Variants in TCF3 observed in about 807,000 individuals in gnomAD.
TCF3 encodes transcription factor E2-alpha.
In TCF3, 54 loss-of-function variants were observed where a neutral mutation model predicts 72.3. The observed-to-expected ratio is 0.75, with a 90% CI of 0.60 to 0.94. TCF3 has a LOEUF of 0.94. TCF3 is among the 40% of genes least tolerant of loss of function. The pLI, the probability that TCF3 is intolerant of heterozygous loss-of-function variation, is 0.00. For missense variants in TCF3, 1,078 were observed against 934.4 expected, an observed-to-expected ratio of 1.15 and a Z score of -2.00; for synonymous variants, 525 against 412.6, an observed-to-expected ratio of 1.27 and a Z score of -3.30.
At chr19:1,634,066 C>T (rs941983121) in intron 3 of TCF3, among the ~76,000 whole-genome samples, 25 of 152,338 alleles carry the variant, frequency 1.6e-4, no homozygotes, top group African/African-American at 6.0e-4. Context: ...GCCCAGGGAT[C>T]GCCCCCGAAG....
At chr19:1,627,149 G>A (rs1285097614) in intron 6 of TCF3, among the ~76,000 whole-genome samples, 1 of 152,190 alleles carries the variant, frequency 6.6e-6, no homozygotes, top group Non-Finnish European at 1.5e-5. Flanking sequence ...TGGCAGCCCT[G>A]CAGGCCTTGG....
intron 3 of TCF3, among the ~76,000 whole-genome samples, chr19:1,644,268 G>A (rs904347572): frequency 3.9e-5 from 6 of 152,202 alleles, no homozygotes; most frequent in Admixed American, 2.6e-4. Flanking sequence ...TGGGGCCAGC[G>A]CCACAGCCTG....
chr19:1,626,728 G>A (rs899307250), intron 6 of TCF3, among the ~76,000 whole-genome samples: 1 of 152,190 alleles, frequency 6.6e-6, no homozygotes, highest in Non-Finnish European at 1.5e-5. Flanking sequence ...AGGGAAACGC[G>A]CATCTGCCCC....
chr19:1,627,211 G>GC, intron 6 of TCF3, 148 bp downstream of exon 6: 27 of 164,646 alleles, frequency 1.6e-4, no homozygotes, highest in South Asian at 5.8e-4. Flanking sequence ...CACCCACCCA[G>GC]CCCACCCTGG....
chr19:1,619,635 G>T (rs965427291), intron 14 of TCF3, 145 bp downstream of exon 14: 2 of 1,278,590 alleles, frequency 1.6e-6, no homozygotes, highest in South Asian at 1.4e-5. Flanking sequence ...CACACAAAAT[G>T]TGTGTGCCTT....
chr19:1,619,810 C>A lies in TCF3; in HGVS notation c.1137G>T (p.Ser379=). ...CGTGGAGACCCCCGTCGTAGCTGGG[C>A]GATAAGGCACCGGGGGCTCCTGCTC... ...WPRAGAPGAL[S]PSYDGGLHGL... Residue 379 remains serine, a synonymous_variant, in exon 14 of 19, where the codon TCG becomes TCT. Transcript: ENST00000262965. The A allele has an allele frequency of 6.4e-7, 1 of 1,570,950 alleles. No homozygotes were observed. Among genetic ancestry groups the A allele is most frequent in the South Asian group, 1.2e-5 (1 of 85,330 alleles).
intron 5 of TCF3, 36 bp from the exon 6 acceptor site, chr19:1,627,462 C>G: frequency 6.2e-7 from 1 of 1,603,590 alleles, no homozygotes. Context: ...GGGAGGCGAC[C>G]CCAAGGAACA....
chr19:1,619,608 T>A, intron 14 of TCF3, 134 bp from the exon 15 acceptor site: 1 of 1,359,252 alleles, frequency 7.4e-7, no homozygotes, highest in Non-Finnish European at 9.8e-7. Context: ...ATGCCAGGCA[T>A]CTGGCGCCCG....
At chr19:1,650,370 A>G in intron 1 of TCF3, 83 bp from the exon 2 acceptor site, 2 of 1,077,384 alleles carry the variant, frequency 1.9e-6, no homozygotes, top group East Asian at 2.6e-5. Flanking sequence ...ACAGAGTGCT[A>G]AAAGCCACCT....
At chr19:1,651,932 G>C (rs1329182557) in intron 1 of TCF3, among the ~76,000 whole-genome samples, 1 of 149,902 alleles carries the variant, frequency 6.7e-6, no homozygotes, top group African/African-American at 2.4e-5. Context: ...CCCTCTACCC[G>C]AGAAAGGGGG....
chr19:1,626,001 G>A (rs374116012), intron 6 of TCF3, among the ~76,000 whole-genome samples: 4 of 152,196 alleles, frequency 2.6e-5, no homozygotes, highest in African/African-American at 4.8e-5. Context: ...ACAAAGCTGC[G>A]TGGCTAAGCG....
Position 1,622,401 on chromosome 19 carries a change from G to A in TCF3, c.564C>T (p.Ser188=), listed in dbSNP as rs1231819541. ...CATCCCTGCCGTAGTCCTCACCTGA[G>A]CTGGGTGGGTACACCTGCGGGCGGG... ...PGLPSSVYPP[S]SGEDYGRDAT... is the part of the protein sequence containing the mutation. The change falls in exon 9 of 19, where the codon AGC becomes AGT. Residue 188 remains serine (S), a synonymous_variant. Coordinates refer to ENST00000262965, the MANE Select transcript of TCF3 (RefSeq NM_003200.5). 3 of 1,494,930 alleles carry A rather than the reference G, an allele frequency of 2.0e-6. No homozygotes were observed. The highest frequency in any genetic ancestry group is 1.4e-5 in the African/African-American group (1 of 71,612). The allele number at this position is 1,494,930 out of a possible 1,614,324, so 92.6% of individuals were successfully genotyped here. A position where few individuals can be genotyped will look rare whatever the true frequency, so the allele number is the denominator to read the frequency against.
chr19:1,650,326 CAG>C lies in TCF3; in HGVS notation c.-39-41_-39-40del, dbSNP rs542823491. 9.7e-4 allele frequency: 1,374 copies of C among 1,423,408 alleles called. 31 individuals carry two copies. The Admixed American group carries it at 0.025, about 26-fold the overall frequency. The allele number at this position is 1,423,408 out of a possible 1,614,324, so 88.2% of individuals were successfully genotyped here. A position where few individuals can be genotyped will look rare whatever the true frequency, so the allele number is the denominator to read the frequency against. On this transcript the variant is annotated intron_variant, in intron 1 of 18. Coordinates refer to ENST00000262965, the MANE Select transcript of TCF3 (RefSeq NM_003200.5). ...GTGGGGACAGATGGACAGGGAGAAA[CAG>C]GGAGGGGAGAAGAGTTGTGAGTGGT...
At chr19:1,619,655 G>T in intron 14 of TCF3, 125 bp downstream of exon 14, 1 of 1,265,962 alleles carries the variant, frequency 7.9e-7, no homozygotes, top group Non-Finnish European at 1.1e-6. Context: ...TGGCGGCCAC[G>T]AGGCCTCAAT....
At chr19:1,635,260 C>T (rs995503248) in intron 3 of TCF3, among the ~76,000 whole-genome samples, 7 of 152,234 alleles carry the variant, frequency 4.6e-5, no homozygotes, top group Admixed American at 1.3e-4. Flanking sequence ...ACCTTCCCTC[C>T]TCCCAAAGAA....
chr19:1,641,186 G>A (rs933511657), intron 3 of TCF3, among the ~76,000 whole-genome samples: 3 of 150,560 alleles, frequency 2.0e-5, no homozygotes, highest in Admixed American at 2.0e-4. Context: ...AAGTTAATGA[G>A]GCAGCAATAA....
chr19:1,627,293 C>G (rs980348840), intron 6 of TCF3, 66 bp downstream of exon 6: 59 of 1,294,546 alleles, frequency 4.6e-5, no homozygotes, highest in Non-Finnish European at 1.3e-5. Flanking sequence ...TTCTGCAGAT[C>G]AGAGAGGGTG....
At chr19:1,650,878 G>A (rs936716447) in intron 1 of TCF3, 1 of 231,502 alleles carries the variant, frequency 4.3e-6, no homozygotes, top group Non-Finnish European at 8.5e-6. Context: ...GGGTGGGGGG[G>A]ACGCGCATCC....
intron 18 of TCF3, chr19:1,612,173 A>G (rs1285826154): frequency 4.6e-6 from 7 of 1,537,138 alleles, no homozygotes; most frequent in Non-Finnish European, 6.1e-6. Context: ...GGGAAGGGAG[A>G]GGGTGCTGGG....
Sources: allele counts gnomAD v4.1 joint callset (sites outside exome capture counted in the v4.1 genomes callset), GRCh38; gene constraint gnomAD v4.1.1; transcripts MANE v1.5; gene names NCBI Gene and HGNC (gene_info 2026-07-23, HGNC 2026-07-21).